The following PKP2 variants were observed in gnomAD, a reference collection of about 807,000 sequenced individuals.
PKP2 encodes plakophilin 2, also known as plakophilin-2.
Under a neutral mutation model 83.4 loss-of-function variants are expected in PKP2, and 73 were observed. That is an observed-to-expected ratio of 0.88 (90% CI 0.72 to 1.06). The LOEUF is 1.06. PKP2 is among the 50% of genes least tolerant of loss of function. The pLI is 0.00. For missense variants in PKP2, 966 were observed against 1,065.4 expected (o/e 0.91, Z 1.30); for synonymous variants, 409 against 430.4 (o/e 0.95, Z 0.62).
At chr12:32,798,084 G>GTTTTTTTTTT (rs10623676) in intron 10 of PKP2, among the ~76,000 whole-genome samples, 2 of 124,152 alleles carry the variant, frequency 1.6e-5, no homozygotes, top group African/African-American at 6.1e-5. Context: ...TACTACTCTT[G>GTTTTTTTTTT]TTTTTTTTTT....
chr12:32,801,885 T>C (rs1351553067), intron 10 of PKP2, among the ~76,000 whole-genome samples: 1 of 152,168 alleles, frequency 6.6e-6, no homozygotes, highest in Non-Finnish European at 1.5e-5. Context: ...CATGCCAAAT[T>C]TGCTATATTC....
rs1382350974 is a variant in PKP2, at chr12:32,843,215, T to C, written c.1379-2010A>G. On this transcript the variant is annotated intron_variant, in intron 5 of 12. Coordinates refer to ENST00000340811, the MANE Select transcript of PKP2 (RefSeq NM_001005242.3). ...TCAGGCTGGTCTCGAACTCCTGACCTCGTGATCCGCCCGCCTTGGCCTCCC... is the reference window on the plus strand; with the variant it reads ...TCAGGCTGGTCTCGAACTCCTGACCCCGTGATCCGCCCGCCTTGGCCTCCC... 2 of 648,138 alleles carry C rather than the reference T, an allele frequency of 3.1e-6. No homozygotes were observed. Among genetic ancestry groups the C allele is most frequent in the African/African-American group, 3.7e-5 (2 of 54,160 alleles). The allele number at this position is 648,138 out of a possible 1,614,324, so 40.1% of individuals were successfully genotyped here.
chr12:32,802,473 T>C lies in PKP2; in HGVS notation c.2097A>G (p.Pro699=), dbSNP rs780623116. ...HTRKMLHVGD[P]SVKKTAISLL... ...GCGAGATGGCTGTCTTTTTCACACT[T>C]GGGTCACCAACATGCAGCATCTTTC... Residue 699 remains proline, a synonymous_variant, in exon 10 of 13, where the codon CCA becomes CCG. Coordinates refer to ENST00000340811, the MANE Select transcript of PKP2 (RefSeq NM_001005242.3). 3.7e-6 allele frequency: 6 copies of C among 1,614,110 alleles called. No homozygotes were observed. The highest frequency in any genetic ancestry group is 5.1e-6 in the Non-Finnish European group (6 of 1,179,966).
intron 6 of PKP2, among the ~76,000 whole-genome samples, chr12:32,829,618 T>C (rs1043148387): frequency 6.6e-6 from 1 of 152,024 alleles, no homozygotes; most frequent in Non-Finnish European, 1.5e-5. Flanking sequence ...TTTATGTGCA[T>C]GTATTGTATA....
At chr12:32,871,319 A>G (rs1956894561) in intron 3 of PKP2, among the ~76,000 whole-genome samples, 1 of 151,984 alleles carries the variant, frequency 6.6e-6, no homozygotes, top group South Asian at 2.1e-4. Flanking sequence ...TTTTAGAGAG[A>G]CAGTCCTATT....
intron 1 of PKP2, among the ~76,000 whole-genome samples, chr12:32,889,273 C>T (rs1182014588): frequency 6.6e-6 from 1 of 152,112 alleles, no homozygotes; most frequent in Non-Finnish European, 1.5e-5. Context: ...GGCATTAGAT[C>T]ACGAAGAACT....
At chr12:32,868,254 C>T (rs1210438443) in intron 4 of PKP2, among the ~76,000 whole-genome samples, 1 of 152,180 alleles carries the variant, frequency 6.6e-6, no homozygotes, top group Non-Finnish European at 1.5e-5. Flanking sequence ...CGCTCTGTCG[C>T]CCAGGCTGGA....
At chr12:32,831,442 C>T (rs527514702) in intron 6 of PKP2, among the ~76,000 whole-genome samples, 4 of 152,204 alleles carry the variant, frequency 2.6e-5, no homozygotes, top group Non-Finnish European at 5.9e-5. Flanking sequence ...GAGCTATACA[C>T]AGATATTTTT....
chr12:32,849,471 G>C (rs1180508055), intron 5 of PKP2, among the ~76,000 whole-genome samples: 1 of 152,128 alleles, frequency 6.6e-6, no homozygotes, highest in Admixed American at 6.6e-5. Flanking sequence ...CTCCTGCCTT[G>C]GCCTCCCAAA....
intron 6 of PKP2, among the ~76,000 whole-genome samples, chr12:32,826,443 G>T (rs540106681): frequency 1.3e-5 from 2 of 152,070 alleles, no homozygotes; most frequent in South Asian, 4.2e-4. Flanking sequence ...CTCAAAAATG[G>T]CAATTTCATG....
At chr12:32,857,440 AAGAGAG>A (rs899759767) in intron 4 of PKP2, among the ~76,000 whole-genome samples, 6 of 151,532 alleles carry the variant, frequency 4.0e-5, no homozygotes, top group Non-Finnish European at 8.8e-5. Flanking sequence ...AAAAAGAAAA[AAGAGAG>A]AGAGAGAGAG....
At chr12:32,808,700 G>A (rs1956248364) in intron 9 of PKP2, among the ~76,000 whole-genome samples, 1 of 152,184 alleles carries the variant, frequency 6.6e-6, no homozygotes, top group Non-Finnish European at 1.5e-5. Flanking sequence ...TTCTGAAAAG[G>A]TTTCTGTGGG....
chr12:32,852,617 TA>T (rs1170974078), intron 4 of PKP2, among the ~76,000 whole-genome samples: 2 of 152,132 alleles, frequency 1.3e-5, no homozygotes, highest in Non-Finnish European at 2.9e-5. Context: ...GCAAGAACCT[TA>T]AGAAGAAAGT....
chr12:32,802,349 T>A, intron 10 of PKP2, 54 bp downstream of exon 10: 1 of 1,547,438 alleles, frequency 6.5e-7, no homozygotes, highest in South Asian at 1.1e-5. Context: ...AACATTTCAT[T>A]GCATTGTATC....
At chr12:32,846,537 G>T (rs1271742264) in intron 5 of PKP2, among the ~76,000 whole-genome samples, 1 of 152,112 alleles carries the variant, frequency 6.6e-6, no homozygotes, top group Admixed American at 6.6e-5. Context: ...CTGAGGTCGG[G>T]AGTTCGAGAC....
chr12:32,850,340 T>G (rs1406405107), intron 5 of PKP2, among the ~76,000 whole-genome samples: 1 of 152,008 alleles, frequency 6.6e-6, no homozygotes, highest in Non-Finnish European at 1.5e-5. Context: ...GATCACAAGG[T>G]CAGGAGTTCG....
At chr12:32,806,732 T>A (rs540646038) in intron 9 of PKP2, among the ~76,000 whole-genome samples, 20 of 138,594 alleles carry the variant, frequency 1.4e-4, no homozygotes, top group African/African-American at 5.7e-4. Context: ...TCCACTCTGA[T>A]CTTGGCTATT....
chr12:32,826,147 C>A (rs1249435227), intron 6 of PKP2, among the ~76,000 whole-genome samples: 4 of 150,634 alleles, frequency 2.7e-5, no homozygotes, highest in Non-Finnish European at 5.9e-5. Context: ...ACTAAAAGTA[C>A]CAAACAAAAT....
In PKP2 at chr12:32,855,773, C is replaced by CAAAAAAAAA. The variant is rs11431590; in HGVS notation, c.1171-4809_1171-4801dup. The stretch of plus-strand genomic sequence containing the variant: ...CCTGGGCGACAGAGAGACTCCATCT[C>CAAAAAAAAA]AAAAAAAAAAAAAAAAAAAAAAGGA... On this transcript the variant is annotated intron_variant, in intron 4 of 12. Transcript: ENST00000340811. Among the ~76,000 whole-genome samples, 349 of 46,670 alleles carry CAAAAAAAAA rather than the reference C, an allele frequency of 7.5e-3. 4 individuals carry two copies. Among genetic ancestry groups the CAAAAAAAAA allele is most frequent in the Non-Finnish European group, 9.9e-3 (268 of 26,946 alleles). The allele number at this position is 46,670 out of a possible 152,430, so 30.6% of individuals were successfully genotyped here. A position where few individuals can be genotyped will look rare whatever the true frequency, so the allele number is the denominator to read the frequency against.
Sources: gnomAD v4.1 joint callset for allele counts (sites outside exome capture counted in the v4.1 genomes callset) on GRCh38, gnomAD v4.1.1 for gene constraint, MANE v1.5 for transcripts, NCBI Gene and HGNC (gene_info 2026-07-23, HGNC 2026-07-21) for gene names.